Variants in NUP133 observed in about 807,000 individuals in gnomAD.
The protein encoded by NUP133 is nuclear pore complex protein Nup133.
A neutral mutation model predicts 146.2 loss-of-function variants in NUP133; 66 were observed. The ratio of observed to expected loss-of-function variants is 0.45; its 90% CI spans 0.37 to 0.55. The LOEUF (loss-of-function observed/expected upper bound fraction) is 0.55. NUP133 is among the 20% of genes least tolerant of loss of function. NUP133 has a pLI of 0.00. For missense variants in NUP133, 1,277 were observed against 1,374.8 expected, an observed-to-expected ratio of 0.93 and a Z score of 1.12; for synonymous variants, 521 against 498.8, an observed-to-expected ratio of 1.04 and a Z score of -0.59.
rs370920263 is a variant in NUP133 at position 229,450,589 on chromosome 1, T to G, written c.3116A>C (p.Glu1039Ala). ...ATCATATTCATTAGCTCTTCTATTT[T>G]CTTCACAGATATATAGCTATGACAA... ...PQLIGLYICE[E>A]NRRANEYDFK... Residue 1039 changes from glutamate to alanine, a missense_variant, in exon 23 of 26, where the codon GAA becomes GCA. Glu to Ala is a moderately radical substitution (Grantham distance 107, BLOSUM62 -1). Transcript: ENST00000261396. 1 of 1,562,540 alleles carries G rather than the reference T, an allele frequency of 6.4e-7. No individual in the cohort carries two copies. Among genetic ancestry groups the G allele is most frequent in the Non-Finnish European group, 8.8e-7 (1 of 1,139,392 alleles).
chr1:229,496,131 T>G, intron 6 of NUP133, 84 bp from the exon 7 acceptor site: 3 of 1,050,516 alleles, frequency 2.9e-6, no homozygotes, highest in South Asian at 3.8e-5. Flanking sequence ...AAATTTCACA[T>G]ATGTGATTAG....
chr1:229,455,517 T>C (rs1660540885), intron 21 of NUP133, among the ~76,000 whole-genome samples: 1 of 152,160 alleles, frequency 6.6e-6, no homozygotes, highest in African/African-American at 2.4e-5. Context: ...GCCATGATTG[T>C]GCCACTGTGC....
At chr1:229,453,104 C>T (rs1294196637) in intron 21 of NUP133, among the ~76,000 whole-genome samples, 1 of 151,902 alleles carries the variant, frequency 6.6e-6, no homozygotes, top group Non-Finnish European at 1.5e-5. Context: ...CCCAGCATAA[C>T]TTTTTAAAGA....
chr1:229,472,879 C>T (rs1660992713), intron 14 of NUP133, among the ~76,000 whole-genome samples: 2 of 151,834 alleles, frequency 1.3e-5, no homozygotes, highest in African/African-American at 4.8e-5. Flanking sequence ...GTTACTTCCA[C>T]CCCCTTCAGA....
intron 2 of NUP133, 129 bp downstream of exon 2, chr1:229,505,911 C>G: frequency 1.7e-6 from 1 of 586,228 alleles, no homozygotes. Context: ...TAAAAAAACA[C>G]TAGACAGGCC....
chr1:229,470,595 A>T lies in NUP133; in HGVS notation c.2061T>A (p.Asp687Glu). The change falls in exon 15 of 26, where the codon GAT becomes GAA. Residue 687 changes from aspartate to glutamate, a missense_variant. Physicochemically the swap from Asp to Glu is conservative, Grantham distance 45 (BLOSUM62 2). This residue lies in a region of NUP133 where 952 missense variants were observed against 1,047.0 expected (regional missense o/e 0.91). Transcript: ENST00000261396. ...CTCATCTTACCTCCCTGAAAAAGAC[A>T]TCTGCAGGAGTCAGGTTGGATGGGA... ...YEIPSNLTPA[D>E]VFFREVSQVD... 6.2e-7 allele frequency: 1 copy of T among 1,614,062 alleles called. No homozygotes were observed.
intron 21 of NUP133, among the ~76,000 whole-genome samples, chr1:229,456,313 C>T (rs563793937): frequency 2.0e-5 from 3 of 152,234 alleles, no homozygotes; most frequent in South Asian, 2.1e-4. Context: ...AGTTATTCAC[C>T]GTGGTTGTAA....
intron 16 of NUP133, among the ~76,000 whole-genome samples, chr1:229,465,864 C>T (rs1660797495): frequency 7.2e-6 from 1 of 138,410 alleles, no homozygotes; most frequent in Non-Finnish European, 1.5e-5. Flanking sequence ...TAAACCCAGC[C>T]TGGGCAATGG....
chr1:229,449,224 T>C, intron 23 of NUP133, 34 bp from the exon 24 acceptor site: 2 of 1,437,986 alleles, frequency 1.4e-6, no homozygotes, highest in Non-Finnish European at 1.9e-6. Flanking sequence ...CCTGATTAAA[T>C]CCTGGCTCTG....
At chr1:229,482,632 A>C (rs1231901009) in intron 12 of NUP133, among the ~76,000 whole-genome samples, 3 of 152,186 alleles carry the variant, frequency 2.0e-5, no homozygotes, top group East Asian at 3.8e-4. Context: ...ATTTGCCTTA[A>C]ACCCAGAAGA....
chr1:229,462,564 A>T (rs1053191976), intron 19 of NUP133, among the ~76,000 whole-genome samples: 6 of 146,202 alleles, frequency 4.1e-5, no homozygotes, highest in Non-Finnish European at 7.6e-5. Flanking sequence ...CACAATGGAA[A>T]TTTTTTTTTT....
chr1:229,469,512 G>A (rs1199718784), intron 15 of NUP133, among the ~76,000 whole-genome samples: 1 of 152,168 alleles, frequency 6.6e-6, no homozygotes, highest in Non-Finnish European at 1.5e-5. Flanking sequence ...GCAAAGGTGT[G>A]GGCAAGATTA....
In NUP133 at chr1:229,452,622, A is replaced by T. The variant is rs754959122; in HGVS notation, c.3002T>A (p.Phe1001Tyr). 5.6e-6 allele frequency: 9 copies of T among 1,612,772 alleles called. No homozygotes were observed. Among genetic ancestry groups the T allele is most frequent in the Non-Finnish European group, 7.6e-6 (9 of 1,179,100 alleles). The change falls in exon 22 of 26, where the codon TTT becomes TAT. Residue 1001 changes from phenylalanine to tyrosine, a missense_variant. Phe to Tyr is a conservative substitution (Grantham distance 22, BLOSUM62 3). Coordinates refer to ENST00000261396, the MANE Select transcript of NUP133 (RefSeq NM_018230.3). ...KIEEMAEQER[F>Y]LLHQETLPEQ... ...AGGTAGGGTCTCCTGATGCAGTAGA[A>T]AGCGCTCCTGCTCAGCCATTTCTAG...
chr1:229,470,996 A>G (rs1216060207), intron 14 of NUP133, among the ~76,000 whole-genome samples, 192 bp from the exon 15 acceptor site: 1 of 152,142 alleles, frequency 6.6e-6, no homozygotes. Flanking sequence ...AACACCCACA[A>G]GGAAATGTAG....
At chr1:229,481,684 G>C (rs139090682) in intron 12 of NUP133, among the ~76,000 whole-genome samples, 3,452 of 147,360 alleles carry the variant, frequency 0.023, 135 homozygotes, top group African/African-American at 0.084. Context: ...GGATGACAGA[G>C]TGAGACTCTG....
intron 4 of NUP133, 119 bp downstream of exon 4, chr1:229,500,637 C>T: frequency 3.4e-6 from 2 of 587,734 alleles, no homozygotes; most frequent in South Asian, 4.8e-5. Context: ...GCCAATACCA[C>T]AATATCTTGA....
At chr1:229,444,856 C>A (rs529504790) in intron 25 of NUP133, 58 bp downstream of exon 25, 8 of 1,198,932 alleles carry the variant, frequency 6.7e-6, no homozygotes, top group Non-Finnish European at 9.7e-6. Flanking sequence ...CAAAAAAAAA[C>A]CCAAAAAACT....
At chr1:229,460,191 C>T (rs965131719) in intron 20 of NUP133, among the ~76,000 whole-genome samples, 4 of 152,112 alleles carry the variant, frequency 2.6e-5, no homozygotes, top group African/African-American at 9.7e-5. Context: ...AGGTCTTTTG[C>T]CATTCATTCA....
In NUP133 at chr1:229,450,735, GTTTT is replaced by G. The variant is rs796890195; in HGVS notation, c.3100-134_3100-131del. 910 of 478,290 alleles carry G rather than the reference GTTTT, an allele frequency of 1.9e-3. 6 individuals carry two copies. Among genetic ancestry groups the G allele is most frequent in the African/African-American group, 0.015 (721 of 49,184 alleles). The allele number at this position is 478,290 out of a possible 1,614,324, so 29.6% of individuals were successfully genotyped here. A position where few individuals can be genotyped will look rare whatever the true frequency, so the allele number is the denominator to read the frequency against. On this transcript the variant is annotated intron_variant, in intron 22 of 25. Transcript: ENST00000261396. ...TTGTTTTTTGTTTGTTTGTTTGTTTGTTTTTTTTGAGACAAAGTCTTGCTCTGTC... is the reference window on the plus strand; with the variant it reads ...TTGTTTTTTGTTTGTTTGTTTGTTTGTTTTGAGACAAAGTCTTGCTCTGTC...
Sources: allele counts gnomAD v4.1 joint callset (sites outside exome capture counted in the v4.1 genomes callset), GRCh38; gene constraint gnomAD v4.1.1; regional missense constraint gnomAD v4.1.1; transcripts MANE v1.5; gene names NCBI Gene and HGNC (gene_info 2026-07-23, HGNC 2026-07-21).